POLE: variants seen among roughly 807,000 people sequenced by gnomAD.
POLE encodes DNA polymerase epsilon catalytic subunit A.
A neutral mutation model predicts 279.2 loss-of-function variants in POLE; 188 were observed. That is an observed-to-expected ratio of 0.67 (90% confidence interval 0.60 to 0.76). The LOEUF is 0.76. POLE is among the 30% of genes least tolerant of loss of function. The pLI, the probability that POLE is intolerant of heterozygous loss-of-function variation, is 0.00. For synonymous variants in POLE, 1,214 were observed against 1,172.5 expected (o/e 1.04, Z -0.72); for missense variants, 2,703 against 3,016.7 (o/e 0.90, Z 2.44).
At chr12:132,626,338 A>G (rs749882806) in intron 45 of POLE, 21 bp from the exon 46 acceptor site, 5 of 1,612,362 alleles carry the variant, frequency 3.1e-6, no homozygotes, top group East Asian at 2.2e-5. Context: ...CACAGCCCAC[A>G]TCGGGAAGGA....
At chr12:132,673,791 C>G in intron 12 of POLE, 84 bp from the exon 13 acceptor site, 1 of 1,531,610 alleles carries the variant, frequency 6.5e-7, no homozygotes, top group Admixed American at 1.7e-5. Context: ...CTGGGCACCA[C>G]ACAGACAGAT....
At chr12:132,677,064 A>G (rs1401454448) in intron 8 of POLE, among the ~76,000 whole-genome samples, 1 of 152,236 alleles carries the variant, frequency 6.6e-6, no homozygotes, top group African/African-American at 2.4e-5. Flanking sequence ...TCTAGTTACA[A>G]ATCCATTTTT....
chr12:132,682,305 T>TAAA (rs1295336108), intron 1 of POLE, among the ~76,000 whole-genome samples: 1 of 75,712 alleles, frequency 1.3e-5, no homozygotes, highest in African/African-American at 4.4e-5. Flanking sequence ...AAAAAAAAAA[T>TAAA]AAATAAAAAT....
At chr12:132,660,710 G>A in intron 25 of POLE, 1 of 311,538 alleles carries the variant, frequency 3.2e-6, no homozygotes, top group East Asian at 5.0e-5. Context: ...CCAAGTAGCT[G>A]GGACCACAGG....
chr12:132,631,203 T>C (rs5745045), intron 45 of POLE, among the ~76,000 whole-genome samples: 10,197 of 152,174 alleles, frequency 0.067, 470 homozygotes, highest in Admixed American at 0.13. Context: ...TCCAAAAGGC[T>C]GCACAATGTC....
rs532741518 is a variant in POLE, at chr12:132,665,530, T to C, written c.2320-80A>G. On this transcript the variant is annotated intron_variant, in intron 20 of 48. Transcript: ENST00000320574. ...CAAAGTCAATAGCCCAGGTTTTTAG[T>C]ATTTTGAAAATTTTCAAATCTATAG... 2.1e-4 allele frequency: 315 copies of C among 1,473,042 alleles called. 1 individual carries two copies. Among genetic ancestry groups the C allele is most frequent in the Middle Eastern group, 3.6e-4 (2 of 5,606 alleles). 91.2% of individuals were successfully genotyped at this position (1,473,042 alleles called of 1,614,324 possible).
At chr12:132,649,975 C>T (rs888745513) in intron 29 of POLE, 86 bp from the exon 30 acceptor site, 201 of 1,190,258 alleles carry the variant, frequency 1.7e-4, no homozygotes, top group Non-Finnish European at 2.6e-5. Flanking sequence ...CTTTGGGAGG[C>T]CAAGACAGGA....
At chr12:132,658,897 AAAAAAAAAAAAG>A (rs1331591626) in intron 26 of POLE, among the ~76,000 whole-genome samples, 1 of 151,010 alleles carries the variant, frequency 6.6e-6, no homozygotes, top group Non-Finnish European at 1.5e-5. Context: ...AAAAAAAAAA[AAAAAAAAAAAAG>A]AGCAGTTTCC....
At chr12:132,632,203 CGCTAG>C (rs2041946162) in intron 45 of POLE, 107 bp downstream of exon 45, 2 of 799,606 alleles carry the variant, frequency 2.5e-6, no homozygotes, top group Non-Finnish European at 4.1e-6. Context: ...TGCACACATA[CGCTAG>C]CACGTTCATG....
intron 41 of POLE, among the ~76,000 whole-genome samples, chr12:132,636,773 C>T (rs747913247): frequency 6.7e-6 from 1 of 150,076 alleles, no homozygotes; most frequent in Non-Finnish European, 1.5e-5. Context: ...CAAACAAAAC[C>T]CCAAAAAATG....
At chr12:132,659,018 C>T (rs946586320) in intron 26 of POLE, among the ~76,000 whole-genome samples, 1 of 151,580 alleles carries the variant, frequency 6.6e-6, no homozygotes, top group Admixed American at 6.6e-5. Flanking sequence ...AGTGTTGTAA[C>T]CTGTAGCTGC....
chr12:132,675,566 T>C lies in POLE; in HGVS notation c.1107-49A>G. ...AGCAAGTGGGCAGGTCAGGCTCTAATGCCCCTTTCTCCATTCCTCCCTCAG... is the reference window on the plus strand; with the variant it reads ...AGCAAGTGGGCAGGTCAGGCTCTAACGCCCCTTTCTCCATTCCTCCCTCAG... On this transcript the variant is annotated intron_variant, in intron 11 of 48. Transcript: ENST00000320574. The surrounding 1 kb of genome is among the most constrained non-coding windows in gnomAD (Gnocchi z 4.3). The C allele has an allele frequency of 1.2e-6, 2 of 1,610,296 alleles. No homozygotes were observed. The highest frequency in any genetic ancestry group is 1.7e-6 in the Non-Finnish European group (2 of 1,178,204).
rs775965749 is a variant in POLE, at chr12:132,625,681, T to G, written c.6621A>C (p.Leu2207=). The change falls in exon 47 of 49, where the codon CTA becomes CTC. Residue 2207 remains leucine (L), a synonymous_variant. Transcript: ENST00000320574. The part of the protein sequence containing the change: ...SAIEMTLVEV[L]QKKLMAFTLQ... ...GGGTGAAGGCCATCAGCTTCTTCTG[T>G]AGAACTTCCACCAGCGTCATCTCGA... 6.2e-7 allele frequency: 1 copy of G among 1,613,726 alleles called. No homozygotes were observed. The highest frequency in any genetic ancestry group is 1.1e-5 in the South Asian group (1 of 91,086).
chr12:132,647,526 A>C (rs937983752), intron 32 of POLE, among the ~76,000 whole-genome samples: 3 of 152,064 alleles, frequency 2.0e-5, no homozygotes, highest in Non-Finnish European at 4.4e-5. Flanking sequence ...GATCTGCACA[A>C]AGCTCTTCGT....
At chr12:132,674,591 T>A (rs958889080) in intron 12 of POLE, among the ~76,000 whole-genome samples, 7 of 152,144 alleles carry the variant, frequency 4.6e-5, no homozygotes, top group African/African-American at 1.7e-4. Context: ...CCAGCATCCC[T>A]GGGCCTCCCC....
At chr12:132,648,840 G>A (rs2138594241) in intron 32 of POLE, 89 bp downstream of exon 32, 4 of 1,361,404 alleles carry the variant, frequency 2.9e-6, no homozygotes, top group East Asian at 4.6e-5. Flanking sequence ...AGGTACTGAG[G>A]AGATGGAGGC....
At chr12:132,669,071 G>A in intron 16 of POLE, 132 bp from the exon 17 acceptor site, 1 of 777,288 alleles carries the variant, frequency 1.3e-6, no homozygotes, top group African/African-American at 1.8e-5. Flanking sequence ...CTAGCCAGAA[G>A]AAAAAAGTTA....
At chr12:132,672,500 A>C in intron 15 of POLE, 127 bp downstream of exon 15, 1 of 1,136,124 alleles carries the variant, frequency 8.8e-7, no homozygotes, top group South Asian at 1.4e-5. Context: ...TGGGCCAGAG[A>C]AGCCACACCC....
chr12:132,681,488 C>T (rs565739976), intron 1 of POLE, among the ~76,000 whole-genome samples: 2 of 152,208 alleles, frequency 1.3e-5, no homozygotes, highest in African/African-American at 4.8e-5. Flanking sequence ...GGACCACAGG[C>T]GACAGCCACC....
Sources: gnomAD v4.1 joint callset for allele counts (sites outside exome capture counted in the v4.1 genomes callset) on GRCh38, gnomAD v4.1.1 for gene constraint, Gnocchi (gnomAD v3.1) non-coding constraint, MANE v1.5 for transcripts, NCBI Gene and HGNC (gene_info 2026-07-23, HGNC 2026-07-21) for gene names.